SERINC5: variants seen among roughly 807,000 people sequenced by gnomAD.
SERINC5 encodes serine incorporator 5.
Under a neutral mutation model 63.1 loss-of-function variants are expected in SERINC5, and 41 were observed. That is an observed-to-expected ratio of 0.65 (90% CI 0.51 to 0.84). The LOEUF is 0.84. Ranked by LOEUF, SERINC5 falls within the 40% of genes least tolerant of loss-of-function variation. The probability of loss-of-function intolerance (pLI) is 0.00; values close to 1 mark genes in which losing one functional copy is unlikely to be tolerated. For synonymous variants in SERINC5, 222 were observed against 215.2 expected, an observed-to-expected ratio of 1.03 and a Z score of -0.28; for missense variants, 523 against 573.0, an observed-to-expected ratio of 0.91 and a Z score of 0.89.
chr5:80,184,891 T>C (rs1748704458), intron 2 of SERINC5, among the ~76,000 whole-genome samples: 2 of 152,172 alleles, frequency 1.3e-5, no homozygotes, highest in Admixed American at 6.5e-5. Flanking sequence ...GTTGTTTCTT[T>C]TTTTTGATGC....
At chr5:80,148,425 G>C (rs937240675) in intron 9 of SERINC5, among the ~76,000 whole-genome samples, 1 of 151,870 alleles carries the variant, frequency 6.6e-6, no homozygotes, top group South Asian at 2.1e-4. Flanking sequence ...CCAGGCCTCA[G>C]GTGATCCACC....
At chr5:80,146,016 A>G (rs1745798733) in intron 11 of SERINC5, 74 bp downstream of exon 11, 1 of 1,524,530 alleles carries the variant, frequency 6.6e-7, no homozygotes, top group East Asian at 2.3e-5. Flanking sequence ...TCTCAAACAA[A>G]CAAACACGAA....
At chr5:80,174,101 A>G (rs940543920) in intron 5 of SERINC5, among the ~76,000 whole-genome samples, 2 of 151,940 alleles carry the variant, frequency 1.3e-5, no homozygotes, top group Non-Finnish European at 2.9e-5. Flanking sequence ...GCCGAACACA[A>G]TGTCATCCCA....
chr5:80,135,123 G>A (rs1427567858), downstream of SERINC5, among the ~76,000 whole-genome samples: 1 of 152,100 alleles, frequency 6.6e-6, no homozygotes, highest in Non-Finnish European at 1.5e-5. Flanking sequence ...GAGCACAATG[G>A]CACAATCACA....
intron 5 of SERINC5, among the ~76,000 whole-genome samples, chr5:80,171,862 C>T (rs981264320): frequency 9.2e-5 from 14 of 151,356 alleles, no homozygotes; most frequent in Admixed American, 7.2e-4. Flanking sequence ...GCCTGGGTGA[C>T]AGAGTGAGAC....
At chr5:80,130,483 G>A (rs1181229985) in intron 11 of SERINC5, among the ~76,000 whole-genome samples, 2 of 152,134 alleles carry the variant, frequency 1.3e-5, no homozygotes, top group Non-Finnish European at 2.9e-5. Context: ...TTTGAGCCTG[G>A]GCAATACAAC....
chr5:80,252,859 C>T (rs1752491281), intron 1 of SERINC5, among the ~76,000 whole-genome samples: 1 of 152,178 alleles, frequency 6.6e-6, no homozygotes, highest in Non-Finnish European at 1.5e-5. Context: ...AAAGCCCAGG[C>T]TCTTTTATGG....
At chr5:80,135,950 G>A (rs1303372309), downstream of SERINC5, among the ~76,000 whole-genome samples, 1 of 152,064 alleles carries the variant, frequency 6.6e-6, no homozygotes, top group Non-Finnish European at 1.5e-5. Context: ...CACAGGAGAG[G>A]GGAAGTGGGG....
At chr5:80,145,329 C>G (rs938753188) in intron 11 of SERINC5, among the ~76,000 whole-genome samples, 1 of 148,552 alleles carries the variant, frequency 6.7e-6, no homozygotes, top group African/African-American at 2.5e-5. Flanking sequence ...GGTGACAAAG[C>G]AAGACTCCAA....
At position 80,142,832 on chromosome 5, in the gene SERINC5, C is replaced by A; in HGVS notation, c.*831G>T. 1 of 985,412 alleles carries A rather than the reference C, an allele frequency of 1.0e-6. No homozygotes were observed. Among genetic ancestry groups the A allele is most frequent in the Non-Finnish European group, 1.2e-6 (1 of 829,898 alleles). The allele number at this position is 985,412 out of a possible 1,614,324, so 61.0% of individuals were successfully genotyped here. ...GCACAAACAAGTAAGAATGATAGCC[C>A]TCCATTGCTTAGGCAGAGAAAACAT... On this transcript the variant is annotated 3_prime_UTR_variant, in exon 12 of 12. Transcript: ENST00000507668.
chr5:80,179,451 T>C (rs1432636733), intron 2 of SERINC5, among the ~76,000 whole-genome samples: 1 of 152,218 alleles, frequency 6.6e-6, no homozygotes, highest in Non-Finnish European at 1.5e-5. Context: ...TAATTTTTTG[T>C]TGGGGAGGGT....
At chr5:80,224,856 C>A (rs1034156398) in intron 1 of SERINC5, among the ~76,000 whole-genome samples, 4 of 151,906 alleles carry the variant, frequency 2.6e-5, no homozygotes, top group African/African-American at 9.7e-5. Context: ...AACCTCCTGA[C>A]CTCGTGATCC....
intron 1 of SERINC5, among the ~76,000 whole-genome samples, chr5:80,224,752 G>A (rs529228825): frequency 1.1e-3 from 167 of 151,584 alleles, no homozygotes; most frequent in African/African-American, 3.5e-3. Context: ...TCAGCCTCCC[G>A]AGTAGCTGGG....
At chr5:80,244,962 T>C (rs1752107976) in intron 1 of SERINC5, among the ~76,000 whole-genome samples, 1 of 152,094 alleles carries the variant, frequency 6.6e-6, no homozygotes, top group Non-Finnish European at 1.5e-5. Context: ...AAGCCAGCAC[T>C]CTCAAAAAAT....
intron 11 of SERINC5, among the ~76,000 whole-genome samples, chr5:80,131,609 G>A (rs73125929): frequency 0.016 from 2,362 of 152,230 alleles, 47 homozygotes; most frequent in African/African-American, 0.054. Context: ...GGGCAAAGAG[G>A]GTAGTTGAGG....
chr5:80,238,191 A>G (rs1751791713), intron 1 of SERINC5, among the ~76,000 whole-genome samples: 1 of 152,022 alleles, frequency 6.6e-6, no homozygotes, highest in African/African-American at 2.4e-5. Context: ...TCATAAGGAA[A>G]TAATTTACAG....
intron 1 of SERINC5, among the ~76,000 whole-genome samples, chr5:80,211,375 G>A (rs6872447): frequency 0.23 from 33,483 of 144,504 alleles, 3,924 homozygotes; most frequent in Non-Finnish European, 0.27. Flanking sequence ...ACAGGTTCCC[G>A]AGTCTCTTGC....
intron 11 of SERINC5, among the ~76,000 whole-genome samples, chr5:80,113,921 C>A (rs778561405): frequency 6.6e-6 from 1 of 151,922 alleles, no homozygotes; most frequent in Non-Finnish European, 1.5e-5. Context: ...TGCCTGTGGG[C>A]GAGGCTCCCC....
chr5:80,207,147 C>T (rs1392715894), intron 1 of SERINC5, among the ~76,000 whole-genome samples: 3 of 151,980 alleles, frequency 2.0e-5, no homozygotes, highest in Non-Finnish European at 4.4e-5. Context: ...TACAGGCGCC[C>T]GCCACCACGC....
Sources: gnomAD v4.1 joint callset for allele counts (sites outside exome capture counted in the v4.1 genomes callset) on GRCh38, gnomAD v4.1.1 for gene constraint, MANE v1.5 for transcripts, NCBI Gene and HGNC (gene_info 2026-07-23, HGNC 2026-07-21) for gene names.